The following PRKCH variants were observed in gnomAD, a reference collection of about 807,000 sequenced individuals.
PRKCH encodes the protein protein kinase C eta.
In PRKCH, 28 loss-of-function variants were observed where a neutral mutation model predicts 82.5. That is an observed-to-expected ratio of 0.34 (90% CI 0.25 to 0.47). PRKCH has a LOEUF of 0.47. PRKCH is among the 20% of genes least tolerant of loss of function. PRKCH has a pLI of 1.00. For synonymous variants in PRKCH, 322 were observed against 327.4 expected, an observed-to-expected ratio of 0.98 and a Z score of 0.18; for missense variants, 705 against 881.8, an observed-to-expected ratio of 0.80 and a Z score of 2.54.
chr14:61,492,375 C>T (rs1886483608), intron 10 of PRKCH: 1 of 152,138 alleles, frequency 6.6e-6, no homozygotes, highest in African/African-American at 2.4e-5. Context: ...AATATTAGAG[C>T]CAGAGGAGAC....
At position 61,406,102 on chromosome 14, in the gene PRKCH, G is replaced by C. The variant is rs577797184; in HGVS notation, c.427+14814G>C. The stretch of plus-strand genomic sequence containing the variant: ...GCACCTTGGCTGCTTCCAGTGGTTG[G>C]CCAATTTGGATATCCCTGTTGTGTC... On this transcript the variant is annotated intron_variant, in intron 2 of 13. Transcript: ENST00000332981. Among the ~76,000 whole-genome samples the C allele has an allele frequency of 5.3e-5, 8 of 152,210 alleles. 1 individual carries two copies. In the East Asian group the frequency reaches 1.2e-3, roughly 22 times the overall value.
At chr14:61,544,366 A>G (rs1421856778) in intron 12 of PRKCH, 1 of 152,164 alleles carries the variant, frequency 6.6e-6, no homozygotes, top group Non-Finnish European at 1.5e-5. Context: ...GTGATGTGAC[A>G]TTTCCTAGCG....
At chr14:61,209,866 CA>C (rs1238757099) in intron 1 of PRKCH, among the ~76,000 whole-genome samples, 4 of 151,826 alleles carry the variant, frequency 2.6e-5, no homozygotes, top group Admixed American at 2.0e-4. Context: ...TGTCCATGTG[CA>C]CCCATTGTTT....
At chr14:61,461,367 A>T (rs2140300200) in intron 9 of PRKCH, among the ~76,000 whole-genome samples, 1 of 152,304 alleles carries the variant, frequency 6.6e-6, no homozygotes, top group East Asian at 1.9e-4. Context: ...CTTGAGAGGG[A>T]TAGCTGGTAG....
intron 2 of PRKCH, among the ~76,000 whole-genome samples, chr14:61,392,030 G>T (rs1048571588): frequency 6.6e-6 from 1 of 151,932 alleles, no homozygotes; most frequent in South Asian, 2.1e-4. Flanking sequence ...TTTTATGTCT[G>T]GTTTCTTTCA....
At chr14:61,394,813 G>A (rs1346551952) in intron 2 of PRKCH, among the ~76,000 whole-genome samples, 2 of 152,218 alleles carry the variant, frequency 1.3e-5, no homozygotes, top group African/African-American at 2.4e-5. Flanking sequence ...TGTGAGATGA[G>A]TTGAGTTTAT....
intron 1 of PRKCH, among the ~76,000 whole-genome samples, chr14:61,310,833 C>T (rs1328783678): frequency 6.6e-6 from 1 of 152,256 alleles, no homozygotes; most frequent in Non-Finnish European, 1.5e-5. Context: ...TTCCATACAT[C>T]TTCTGAAATC....
intron 12 of PRKCH, among the ~76,000 whole-genome samples, chr14:61,546,297 T>C (rs941695624): frequency 6.6e-5 from 10 of 152,216 alleles, no homozygotes; most frequent in African/African-American, 2.2e-4. Context: ...TGGCAGCTGC[T>C]CTGACTGGGC....
intron 9 of PRKCH, among the ~76,000 whole-genome samples, chr14:61,472,991 GA>G (rs1885571225): frequency 6.6e-6 from 1 of 152,226 alleles, no homozygotes; most frequent in Admixed American, 6.5e-5. Flanking sequence ...GTGATGGAGA[GA>G]AGAAAGTCAT....
At chr14:61,487,568 C>T (rs1271102317) in intron 10 of PRKCH, among the ~76,000 whole-genome samples, 2 of 152,142 alleles carry the variant, frequency 1.3e-5, no homozygotes, top group African/African-American at 4.8e-5. Flanking sequence ...GCTAATCCAG[C>T]CATCTCCACT....
At chr14:61,377,641 G>A (rs2046443200) in intron 1 of PRKCH, among the ~76,000 whole-genome samples, 1 of 152,162 alleles carries the variant, frequency 6.6e-6, no homozygotes, top group South Asian at 2.1e-4. Flanking sequence ...CTGTGTTTCA[G>A]TAAAACTTTA....
At chr14:61,246,878 GTGTCCGGCCA>G (rs1194418149) in intron 1 of PRKCH, among the ~76,000 whole-genome samples, 1 of 152,104 alleles carries the variant, frequency 6.6e-6, no homozygotes, top group African/African-American at 2.4e-5. Flanking sequence ...GTGAGCCACT[GTGTCCGGCCA>G]TGTCAGCACT....
At chr14:61,245,442 G>C (rs2044870878) in intron 1 of PRKCH, among the ~76,000 whole-genome samples, 1 of 152,190 alleles carries the variant, frequency 6.6e-6, no homozygotes, top group African/African-American at 2.4e-5. Flanking sequence ...CAGAGGAATG[G>C]CAGGAAACTC....
intron 12 of PRKCH, 90 bp from the exon 13 acceptor site, chr14:61,547,653 A>G: frequency 6.7e-7 from 1 of 1,491,592 alleles, no homozygotes; most frequent in Non-Finnish European, 9.0e-7. Flanking sequence ...AGTCTCGCAC[A>G]GCTCCTCTGC....
At chr14:61,475,480 C>CA (rs369522727) in intron 9 of PRKCH, among the ~76,000 whole-genome samples, 27 of 152,314 alleles carry the variant, frequency 1.8e-4, no homozygotes, top group Non-Finnish European at 2.5e-4. Context: ...TCAATTAAAA[C>CA]ACCGTGCCCA....
intron 1 of PRKCH, among the ~76,000 whole-genome samples, chr14:61,262,023 C>T (rs2045050056): frequency 6.6e-6 from 1 of 151,938 alleles, no homozygotes; most frequent in Admixed American, 6.6e-5. Flanking sequence ...AGTTCATGAC[C>T]AGCCTGGCCA....
intron 1 of PRKCH, among the ~76,000 whole-genome samples, chr14:61,257,752 T>A (rs1180324554): frequency 6.6e-6 from 1 of 152,078 alleles, no homozygotes; most frequent in East Asian, 1.9e-4. Context: ...TGCCTTGACT[T>A]AGGAATCAGA....
intron 2 of PRKCH, among the ~76,000 whole-genome samples, chr14:61,416,823 C>G (rs1464913215): frequency 6.6e-6 from 1 of 152,200 alleles, no homozygotes; most frequent in Non-Finnish European, 1.5e-5. Context: ...AAGGCCAACA[C>G]CCCTTTCCTT....
At chr14:61,451,639 C>T (rs576608219) in intron 6 of PRKCH, among the ~76,000 whole-genome samples, 2 of 152,304 alleles carry the variant, frequency 1.3e-5, no homozygotes, top group South Asian at 4.1e-4. Flanking sequence ...GAGAGCTGAT[C>T]CCTGTCCTGT....
Sources: allele counts gnomAD v4.1 joint callset (sites outside exome capture counted in the v4.1 genomes callset), GRCh38; gene constraint gnomAD v4.1.1; transcripts MANE v1.5; gene names NCBI Gene and HGNC (gene_info 2026-07-23, HGNC 2026-07-21).